TAF12: variants seen among roughly 807,000 people sequenced by gnomAD.
TAF12 encodes transcription initiation factor TFIID subunit 12.
A neutral mutation model predicts 20.8 loss-of-function variants in TAF12; 3 were observed. The observed-to-expected ratio is 0.14, with a 90% CI of 0.07 to 0.37. TAF12 has a LOEUF of 0.37. Among genes scored for constraint, TAF12 ranks in the 10% least tolerant of loss-of-function variants. TAF12 has a pLI of 1.00. For synonymous variants in TAF12, 69 were observed against 70.2 expected, an observed-to-expected ratio of 0.98 and a Z score of 0.09; for missense variants, 131 against 197.9, an observed-to-expected ratio of 0.66 and a Z score of 2.03.
intron 1 of TAF12, among the ~76,000 whole-genome samples, chr1:28,636,645 C>A (rs1362657221): frequency 1.3e-5 from 2 of 150,542 alleles, no homozygotes; most frequent in East Asian, 1.9e-4. Context: ...AAAAAAAAAT[C>A]AAAAAATTTG....
At position 28,631,635 on chromosome 1, in the gene TAF12, G is replaced by C. The variant is rs191068706; in HGVS notation, c.-84-9470C>G. ...GCTTAAGCTAAGGAGTTTGAGACAAGGCTAGGTAACATAATGAGACCCTGG... is the reference window on the plus strand; with the variant it reads ...GCTTAAGCTAAGGAGTTTGAGACAACGCTAGGTAACATAATGAGACCCTGG... On this transcript the variant is annotated intron_variant, in intron 1 of 5. Coordinates refer to ENST00000373824, the MANE Select transcript of TAF12 (RefSeq NM_005644.4). Among the ~76,000 whole-genome samples, 5 of 152,258 alleles carry C rather than the reference G, an allele frequency of 3.3e-5. No individual in the cohort carries two copies. In the East Asian group the frequency reaches 9.6e-4, roughly 29 times the overall value.
intron 3 of TAF12, among the ~76,000 whole-genome samples, chr1:28,617,285 T>C (rs1246409615): frequency 1.3e-5 from 2 of 152,048 alleles, no homozygotes; most frequent in Admixed American, 1.3e-4. Flanking sequence ...GCAGCAGTTA[T>C]TGGGTATAAA....
In TAF12 at chr1:28,643,062, C is replaced by A; in HGVS notation, c.-155G>T. 1 of 985,938 alleles carries A rather than the reference C, an allele frequency of 1.0e-6. No homozygotes were observed. The highest frequency in any genetic ancestry group is 1.2e-6 in the Non-Finnish European group (1 of 829,974). The allele number at this position is 985,938 out of a possible 1,614,324, so 61.1% of individuals were successfully genotyped here. ...TGAAGCGTTCGTCTCAGCAGCCGGT[C>A]CGACTGCGCGGCCCTCCCCGACTAC... On this transcript the variant is annotated 5_prime_UTR_variant, in exon 1 of 6. Transcript: ENST00000373824.
chr1:28,630,677 C>T (rs920721629), intron 1 of TAF12, among the ~76,000 whole-genome samples: 2 of 151,822 alleles, frequency 1.3e-5, no homozygotes, highest in African/African-American at 4.9e-5. Flanking sequence ...ATCAAAAGCA[C>T]AATCCACAAA....
chr1:28,625,597 A>C (rs1230925889), intron 1 of TAF12, among the ~76,000 whole-genome samples: 1 of 141,878 alleles, frequency 7.0e-6, no homozygotes, highest in Admixed American at 7.6e-5. Flanking sequence ...GTCGGACTGC[A>C]GTGGCACTAA....
chr1:28,634,766 C>T (rs1293317039), intron 1 of TAF12, among the ~76,000 whole-genome samples: 2 of 151,600 alleles, frequency 1.3e-5, no homozygotes, highest in Admixed American at 1.3e-4. Flanking sequence ...CCCATTTCTA[C>T]TAAAAATACA....
At chr1:28,645,840 G>T (rs1454202454), upstream of TAF12, among the ~76,000 whole-genome samples, 2 of 151,628 alleles carry the variant, frequency 1.3e-5, no homozygotes, top group African/African-American at 2.4e-5. Context: ...AGTGGCGCGT[G>T]CCTGTAGTCC....
chr1:28,631,989 T>G (rs1385046277), intron 1 of TAF12, among the ~76,000 whole-genome samples: 1 of 152,200 alleles, frequency 6.6e-6, no homozygotes, highest in East Asian at 1.9e-4. Flanking sequence ...AGGTACTTAC[T>G]GTAGAGAAAT....
At chr1:28,618,534 ATTTTTTT>A (rs968347496) in intron 2 of TAF12, among the ~76,000 whole-genome samples, 22 of 125,696 alleles carry the variant, frequency 1.8e-4, no homozygotes, top group East Asian at 1.5e-3. Flanking sequence ...TACCTGGCTA[ATTTTTTT>A]TTTTTTTTTT....
chr1:28,643,009 T>C lies in TAF12; in HGVS notation c.-102A>G, dbSNP rs1668088668. The C allele has an allele frequency of 3.0e-6, 3 of 985,766 alleles. No individual in the cohort carries two copies. The highest frequency in any genetic ancestry group is 6.2e-5 in the Admixed American group (1 of 16,232). 61.1% of individuals were successfully genotyped at this position (985,766 alleles called of 1,614,324 possible). ...AGACTCACAGGCAGCAGCGTCTATC[T>C]CCCCATGATATGCAGAGACTGCCCC... On this transcript the variant is annotated 5_prime_UTR_variant, in exon 1 of 6. Coordinates refer to ENST00000373824, the MANE Select transcript of TAF12 (RefSeq NM_005644.4).
chr1:28,619,922 C>T (rs1052215109), intron 2 of TAF12, among the ~76,000 whole-genome samples: 1 of 150,300 alleles, frequency 6.7e-6, no homozygotes, highest in Non-Finnish European at 1.5e-5. Context: ...GCACTCCATC[C>T]TGGGTGATAG....
At chr1:28,607,884 C>T (rs1666720340) in intron 4 of TAF12, among the ~76,000 whole-genome samples, 1 of 152,020 alleles carries the variant, frequency 6.6e-6, no homozygotes, top group African/African-American at 2.4e-5. Flanking sequence ...CACCTGTAAT[C>T]CCACCACTTT....
chr1:28,618,060 C>A lies in TAF12; in HGVS notation c.169-30G>T, dbSNP rs368069825. The A allele has an allele frequency of 2.5e-4, 388 of 1,583,522 alleles. 1 individual carries two copies. Among genetic ancestry groups the A allele is most frequent in the South Asian group, 1.3e-3 (120 of 89,030 alleles). On this transcript the variant is annotated intron_variant, in intron 2 of 5. Coordinates refer to ENST00000373824, the MANE Select transcript of TAF12 (RefSeq NM_005644.4). ...AGTTAATTGGAAGAAGACTTTTCAA[C>A]CAGATATTAAGGAAATGAAACAAAT...
At chr1:28,619,337 CAA>C (rs1231630182) in intron 2 of TAF12, among the ~76,000 whole-genome samples, 1 of 139,888 alleles carries the variant, frequency 7.1e-6, no homozygotes. Context: ...ACTAAAAATG[CAA>C]AAAAAAAAAT....
At chr1:28,640,246 G>A (rs1270811008) in intron 1 of TAF12, among the ~76,000 whole-genome samples, 1 of 152,200 alleles carries the variant, frequency 6.6e-6, no homozygotes, top group African/African-American at 2.4e-5. Context: ...AATAATCTAT[G>A]CTTCTGTGAA....
intron 4 of TAF12, among the ~76,000 whole-genome samples, chr1:28,612,890 G>A (rs1003904023): frequency 1.3e-5 from 2 of 152,094 alleles, no homozygotes; most frequent in African/African-American, 2.4e-5. Context: ...ACTTTGTGCA[G>A]GCCCTGTGCC....
chr1:28,614,099 G>A (rs1333214942), intron 3 of TAF12, among the ~76,000 whole-genome samples: 2 of 151,906 alleles, frequency 1.3e-5, no homozygotes, highest in South Asian at 2.1e-4. Flanking sequence ...TTAGCTGGGC[G>A]TGGTGGCACG....
Position 28,622,120 on chromosome 1 carries a change from C to A in TAF12, c.-39G>T. On this transcript the variant is annotated 5_prime_UTR_variant, in exon 2 of 6. Coordinates refer to ENST00000373824, the MANE Select transcript of TAF12 (RefSeq NM_005644.4). ...TTGGACTTCAGCTCATAGAGCTTATCGAGATCCTGTTTCTTTTTGGAGCTG... is the reference window on the plus strand; with the variant it reads ...TTGGACTTCAGCTCATAGAGCTTATAGAGATCCTGTTTCTTTTTGGAGCTG... The A allele has an allele frequency of 1.3e-6, 2 of 1,570,938 alleles. No individual in the cohort carries two copies. Among genetic ancestry groups the A allele is most frequent in the Admixed American group, 2.0e-5 (1 of 49,596 alleles).
chr1:28,615,917 CT>C (rs1667027700), intron 3 of TAF12, among the ~76,000 whole-genome samples: 2 of 152,194 alleles, frequency 1.3e-5, no homozygotes, highest in South Asian at 4.1e-4. Context: ...CTGTGTACCT[CT>C]TTTCCCAAGT....
Sources: gnomAD v4.1 joint callset for allele counts (sites outside exome capture counted in the v4.1 genomes callset) on GRCh38, gnomAD v4.1.1 for gene constraint, MANE v1.5 for transcripts, NCBI Gene and HGNC (gene_info 2026-07-23, HGNC 2026-07-21) for gene names.